Variants in KHDRBS2 observed in about 807,000 individuals in gnomAD.
KHDRBS2 encodes the protein KH domain-containing, RNA-binding, signal transduction-associated protein 2.
A neutral mutation model predicts 44.3 loss-of-function variants in KHDRBS2; 26 were observed. That is an observed-to-expected ratio of 0.59 (90% CI 0.43 to 0.81). KHDRBS2 has a LOEUF of 0.81. Ranked by LOEUF, KHDRBS2 falls within the 40% of genes least tolerant of loss-of-function variation. The probability of loss-of-function intolerance (pLI) is 0.00; values close to 1 mark genes in which losing one functional copy is unlikely to be tolerated. For synonymous variants in KHDRBS2, 194 were observed against 151.1 expected, an observed-to-expected ratio of 1.28 and a Z score of -2.08; for missense variants, 476 against 433.1, an observed-to-expected ratio of 1.10 and a Z score of -0.88.
intron 1 of KHDRBS2, among the ~76,000 whole-genome samples, chr6:62,205,495 C>T (rs1827793643): frequency 6.6e-6 from 1 of 152,000 alleles, no homozygotes; most frequent in South Asian, 2.1e-4. Context: ...CCCCAAATAA[C>T]AATAAAGCAT....
At chr6:61,994,682 G>A (rs1776832432) in intron 3 of KHDRBS2, among the ~76,000 whole-genome samples, 1 of 152,090 alleles carries the variant, frequency 6.6e-6, no homozygotes, top group Admixed American at 6.5e-5. Flanking sequence ...AAAAGTTATG[G>A]GACGTTTATT....
chr6:62,097,275 T>C (rs940192226), intron 2 of KHDRBS2, among the ~76,000 whole-genome samples: 1 of 151,994 alleles, frequency 6.6e-6, no homozygotes, highest in Non-Finnish European at 1.5e-5. Context: ...AACTCCACTG[T>C]GTCTCTGCTG....
intron 6 of KHDRBS2, among the ~76,000 whole-genome samples, chr6:61,812,466 A>C (rs1047966111): frequency 2.0e-5 from 3 of 152,100 alleles, no homozygotes; most frequent in Non-Finnish European, 4.4e-5. Flanking sequence ...CCAACAACCC[A>C]GGAGGAAACT....
At chr6:62,243,359 A>T (rs1429803434) in intron 1 of KHDRBS2, among the ~76,000 whole-genome samples, 1 of 152,072 alleles carries the variant, frequency 6.6e-6, no homozygotes, top group Non-Finnish European at 1.5e-5. Flanking sequence ...TCATGGTTCA[A>T]TTTCAAATTT....
the KHDRBS2 span, among the ~76,000 whole-genome samples, chr6:61,624,821 G>GA: frequency 1.3e-5 from 2 of 152,210 alleles, no homozygotes; most frequent in South Asian, 2.1e-4. Flanking sequence ...AAGGGCTGGA[G>GA]AAAAAATGGC....
At chr6:61,956,011 G>A (rs1035500938) in intron 4 of KHDRBS2, among the ~76,000 whole-genome samples, 1 of 151,948 alleles carries the variant, frequency 6.6e-6, no homozygotes, top group African/African-American at 2.4e-5. Context: ...TGGCCAACAT[G>A]GTGAAACCCC....
chr6:62,086,082 T>C (rs73758657), intron 2 of KHDRBS2, among the ~76,000 whole-genome samples: 3,735 of 152,260 alleles, frequency 0.025, 164 homozygotes, highest in African/African-American at 0.084. Flanking sequence ...TTCAACTGGA[T>C]GTTTGAAAGA....
rs57845781 is a variant in KHDRBS2 at position 62,124,586 on chromosome 6, T to TACACACACACACACACAC, written c.219+52581_219+52598dup. On this transcript the variant is annotated intron_variant, in intron 2 of 8. Coordinates refer to ENST00000281156, the MANE Select transcript of KHDRBS2 (RefSeq NM_152688.4). ...TCATGAAACCTTTTCTGAACTATAC[T>TACACACACACACACACAC]ACACACACACACACACACACACACA... is the stretch of plus-strand genomic sequence containing the variant. 1.1e-3 allele frequency among the ~76,000 whole-genome samples: 157 copies of TACACACACACACACACAC among 145,094 alleles called. 1 individual carries two copies. Among genetic ancestry groups the TACACACACACACACACAC allele is most frequent in the African/African-American group, 1.5e-3 (59 of 39,348 alleles).
intron 4 of KHDRBS2, among the ~76,000 whole-genome samples, chr6:61,955,021 C>CAT (rs746294341): frequency 3.5e-5 from 5 of 142,888 alleles, no homozygotes; most frequent in African/African-American, 1.0e-4. Context: ...TGTATACACA[C>CAT]ATACATATAT....
chr6:61,848,532 C>CATATATATGTATATATATACATAT (rs1794889801), intron 6 of KHDRBS2, among the ~76,000 whole-genome samples: 1 of 28,220 alleles, frequency 3.5e-5, no homozygotes, highest in African/African-American at 2.1e-4. Context: ...TATATATATA[C>CATATATATGTATATATATACATAT]ATATATATGT....
At chr6:61,697,295 G>T in intron 7 of KHDRBS2, 42 bp from the exon 8 acceptor site, 1 of 1,267,462 alleles carries the variant, frequency 7.9e-7, no homozygotes, top group Non-Finnish European at 1.2e-6. Context: ...CTATAACCAG[G>T]AAATTCAACC....
chr6:61,927,816 A>G (rs1340006190), intron 4 of KHDRBS2, among the ~76,000 whole-genome samples: 1 of 152,158 alleles, frequency 6.6e-6, no homozygotes, highest in African/African-American at 2.4e-5. Flanking sequence ...CAAAGATGAC[A>G]AATTTATTTT....
chr6:62,014,453 A>G (rs1165447589), intron 3 of KHDRBS2, among the ~76,000 whole-genome samples: 3 of 152,180 alleles, frequency 2.0e-5, no homozygotes, highest in South Asian at 2.1e-4. Context: ...AAAATTGTTT[A>G]TGAATAAGTA....
intron 4 of KHDRBS2, among the ~76,000 whole-genome samples, chr6:61,927,551 A>C (rs1242290027): frequency 6.6e-6 from 1 of 152,112 alleles, no homozygotes; most frequent in Non-Finnish European, 1.5e-5. Context: ...ATTTAAATAT[A>C]TATAAAATAA....
Position 62,221,964 on chromosome 6 carries a change from A to G in KHDRBS2, c.92-44652T>C, listed in dbSNP as rs373477795. On this transcript the variant is annotated intron_variant, in intron 1 of 8. Coordinates refer to ENST00000281156, the MANE Select transcript of KHDRBS2 (RefSeq NM_152688.4). ...CCACAGCATGCAATCTGTTACTATA[A>G]TACAATTAAGTCCTAAACAAGTAGC... is the stretch of plus-strand genomic sequence containing the variant. Among the ~76,000 whole-genome samples the G allele has an allele frequency of 2.0e-3, 307 of 152,332 alleles. 10 individuals carry two copies. In the South Asian group the frequency reaches 0.06, roughly 30 times the overall value.
At chr6:61,591,994 G>A in the KHDRBS2 span, among the ~76,000 whole-genome samples, 93,444 of 151,700 alleles carry the variant, frequency 0.62, 28,992 homozygotes, top group Middle Eastern at 0.65. Flanking sequence ...TTCAAGAACA[G>A]CCTGGGTAAC....
chr6:61,615,233 CAA>C, the KHDRBS2 span, among the ~76,000 whole-genome samples: 5 of 58,594 alleles, frequency 8.5e-5, no homozygotes, highest in Non-Finnish European at 1.5e-4. Context: ...ACTCCATCTC[CAA>C]AAAAAAAAAA....
At chr6:62,229,725 C>T (rs1832581843) in intron 1 of KHDRBS2, among the ~76,000 whole-genome samples, 1 of 152,160 alleles carries the variant, frequency 6.6e-6, no homozygotes, top group African/African-American at 2.4e-5. Flanking sequence ...CACTCACAAT[C>T]TCACTTGGCT....
At chr6:61,981,984 T>C (rs962164934) in intron 3 of KHDRBS2, among the ~76,000 whole-genome samples, 1 of 152,190 alleles carries the variant, frequency 6.6e-6, no homozygotes, top group African/African-American at 2.4e-5. Flanking sequence ...AAATTAAATA[T>C]TGTATTCCAC....
Sources: allele counts gnomAD v4.1 joint callset (sites outside exome capture counted in the v4.1 genomes callset), GRCh38; gene constraint gnomAD v4.1.1; transcripts MANE v1.5; gene names NCBI Gene and HGNC (gene_info 2026-07-23, HGNC 2026-07-21).